The following PRKCB variants were observed in gnomAD, a reference collection of about 807,000 sequenced individuals.
PRKCB encodes protein kinase C beta.
In PRKCB, 13 loss-of-function variants were observed where a neutral mutation model predicts 81.5. The observed-to-expected ratio is 0.16, with a 90% confidence interval of 0.10 to 0.25. The LOEUF is 0.25. Among genes scored for constraint, PRKCB ranks in the 10% least tolerant of loss-of-function variants. PRKCB has a pLI of 1.00. For synonymous variants in PRKCB, 335 were observed against 321.4 expected (o/e 1.04, Z -0.45); for missense variants, 509 against 875.7 (o/e 0.58, Z 5.29).
At chr16:24,160,889 G>A (rs912215601) in intron 10 of PRKCB, among the ~76,000 whole-genome samples, 1 of 152,172 alleles carries the variant, frequency 6.6e-6, no homozygotes, top group African/African-American at 2.4e-5. Flanking sequence ...GGAAGAGTGA[G>A]TGTGAATGCC....
chr16:23,983,984 A>G (rs1421738675), intron 2 of PRKCB, among the ~76,000 whole-genome samples: 1 of 152,228 alleles, frequency 6.6e-6, no homozygotes, highest in Non-Finnish European at 1.5e-5. Context: ...ACTTTCCTAA[A>G]TATTTCTGGG....
chr16:24,014,596 A>G (rs890088747), intron 3 of PRKCB, among the ~76,000 whole-genome samples: 1 of 152,156 alleles, frequency 6.6e-6, no homozygotes. Flanking sequence ...TGGATACTAC[A>G]TGCCAGTCAC....
chr16:24,065,166 A>G (rs1362858480), intron 5 of PRKCB, among the ~76,000 whole-genome samples: 3 of 151,012 alleles, frequency 2.0e-5, no homozygotes, highest in African/African-American at 7.3e-5. Flanking sequence ...ACAATAGTTG[A>G]TTTTAATTGG....
intron 2 of PRKCB, among the ~76,000 whole-genome samples, chr16:23,983,329 G>A (rs1278429394): frequency 6.6e-6 from 1 of 152,154 alleles, no homozygotes; most frequent in Non-Finnish European, 1.5e-5. Flanking sequence ...AAGCTCATGA[G>A]GTTTTTCAAA....
At chr16:24,113,791 G>C (rs1966706719) in intron 8 of PRKCB, among the ~76,000 whole-genome samples, 1 of 152,034 alleles carries the variant, frequency 6.6e-6, no homozygotes, top group South Asian at 2.1e-4. Context: ...CCAATTAAAT[G>C]CCCTTGCCTT....
chr16:24,096,570 T>C (rs1966441826), intron 7 of PRKCB, among the ~76,000 whole-genome samples: 1 of 150,520 alleles, frequency 6.6e-6, no homozygotes. Context: ...CCACAGATCA[T>C]AGATGTACTG....
chr16:24,017,526 A>G (rs1173611021), intron 3 of PRKCB, among the ~76,000 whole-genome samples: 1 of 152,210 alleles, frequency 6.6e-6, no homozygotes, highest in African/African-American at 2.4e-5. Flanking sequence ...ACAGACACGC[A>G]CATGCGTTAT....
At chr16:24,180,160 G>A (rs1253199417) in intron 12 of PRKCB, among the ~76,000 whole-genome samples, 1 of 152,060 alleles carries the variant, frequency 6.6e-6, no homozygotes. Flanking sequence ...GGCCAGGCTG[G>A]TCTTGAGCTC....
At position 24,109,165 on chromosome 16, in the gene PRKCB, C is replaced by CT. The variant is rs1966631927; in HGVS notation, c.822-3808_822-3807insT. 8.0e-5 allele frequency among the ~76,000 whole-genome samples: 11 copies of CT among 137,052 alleles called. No homozygotes were observed. In the South Asian group the frequency reaches 2.4e-3, roughly 30 times the overall value. 89.9% of individuals were successfully genotyped at this position (137,052 alleles called of 152,430 possible). ...GGCTGGCCGGGCGGGGGGCTGACCC[C>CT]CCCACCTCCCTCCCCGACGGGGCGG... On this transcript the variant is annotated intron_variant, in intron 7 of 16. Coordinates refer to ENST00000643927, the MANE Select transcript of PRKCB (RefSeq NM_002738.7).
intron 3 of PRKCB, among the ~76,000 whole-genome samples, chr16:24,021,013 TTTCTTTC>T (rs1283241000): frequency 7.3e-6 from 1 of 137,506 alleles, no homozygotes; most frequent in Non-Finnish European, 1.6e-5. Flanking sequence ...TCTTTCTTTC[TTTCTTTC>T]TTTCTTTCTT....
intron 2 of PRKCB, among the ~76,000 whole-genome samples, chr16:23,951,724 C>CT (rs113534021): frequency 1.9e-3 from 272 of 145,352 alleles, no homozygotes; most frequent in Admixed American, 4.3e-3. Flanking sequence ...GGTCCCCTGT[C>CT]TTTTTTTTTT....
chr16:24,102,211 TA>T (rs1260161716), intron 7 of PRKCB, among the ~76,000 whole-genome samples: 1 of 152,222 alleles, frequency 6.6e-6, no homozygotes, highest in East Asian at 1.9e-4. Flanking sequence ...TCAGATTGAT[TA>T]CAACACCCCC....
chr16:24,017,162 G>A (rs1596513230), intron 3 of PRKCB, among the ~76,000 whole-genome samples: 2 of 152,134 alleles, frequency 1.3e-5, no homozygotes, highest in East Asian at 1.9e-4. Flanking sequence ...ATGGTGCAAC[G>A]GTGGGGAGAG....
chr16:24,137,921 C>T (rs1241245446), intron 9 of PRKCB, among the ~76,000 whole-genome samples: 1 of 152,314 alleles, frequency 6.6e-6, no homozygotes, highest in East Asian at 1.9e-4. Context: ...TATGTACTGA[C>T]CTCATTGAAC....
chr16:23,873,165 TAA>T (rs200588643), intron 2 of PRKCB, among the ~76,000 whole-genome samples: 9,641 of 96,268 alleles, frequency 0.1, 580 homozygotes, highest in South Asian at 0.28. Context: ...CCGTCTCTAC[TAA>T]AAACACACAC....
chr16:23,982,319 T>TCCCTTC (rs1312960971), intron 2 of PRKCB, among the ~76,000 whole-genome samples: 113 of 113,732 alleles, frequency 9.9e-4, no homozygotes, highest in African/African-American at 3.5e-3. Flanking sequence ...CCCTTCCCTT[T>TCCCTTC]CCCTTCCCCT....
chr16:23,943,507 T>A (rs1338475244), intron 2 of PRKCB, among the ~76,000 whole-genome samples: 2 of 152,196 alleles, frequency 1.3e-5, no homozygotes, highest in African/African-American at 4.8e-5. Context: ...TCAGCCTGGG[T>A]GATAGAGTGA....
At chr16:23,850,231 C>T (rs752848288) in intron 2 of PRKCB, among the ~76,000 whole-genome samples, 15 of 152,048 alleles carry the variant, frequency 9.9e-5, no homozygotes, top group Non-Finnish European at 1.8e-4. Context: ...CTGTTGAACA[C>T]TTAGGTTGAT....
At chr16:24,073,445 C>G (rs550805079) in intron 5 of PRKCB, among the ~76,000 whole-genome samples, 5 of 152,218 alleles carry the variant, frequency 3.3e-5, no homozygotes. Context: ...GATCCTCCCG[C>G]CTCAGCCCCT....
Sources: allele counts gnomAD v4.1 joint callset (sites outside exome capture counted in the v4.1 genomes callset), GRCh38; gene constraint gnomAD v4.1.1; transcripts MANE v1.5; gene names NCBI Gene and HGNC (gene_info 2026-07-23, HGNC 2026-07-21).